The following GFRA1 variants were observed in gnomAD, a reference collection of about 807,000 sequenced individuals.
GFRA1 encodes the protein GDNF family receptor alpha-1.
Under a neutral mutation model 51.6 loss-of-function variants are expected in GFRA1, and 16 were observed. The observed-to-expected ratio is 0.31, with a 90% CI of 0.21 to 0.47. GFRA1 has a LOEUF of 0.47. Ranked by LOEUF, GFRA1 falls within the 20% of genes least tolerant of loss-of-function variation. The pLI, the probability that GFRA1 is intolerant of heterozygous loss-of-function variation, is 1.00. For synonymous variants in GFRA1, 270 were observed against 241.3 expected (o/e 1.12, Z -1.10); for missense variants, 530 against 594.3 (o/e 0.89, Z 1.13).
intron 4 of GFRA1, among the ~76,000 whole-genome samples, chr10:116,230,745 G>C (rs995723092): frequency 2.6e-4 from 36 of 139,722 alleles, no homozygotes; most frequent in Non-Finnish European, 3.8e-4. Flanking sequence ...CACACACACA[G>C]ACAATTTAAC....
chr10:116,226,118 T>A (rs1966277470), intron 4 of GFRA1, among the ~76,000 whole-genome samples: 1 of 152,142 alleles, frequency 6.6e-6, no homozygotes, highest in Admixed American at 6.5e-5. Context: ...TATTCAGACT[T>A]CTCAATGGTA....
intron 5 of GFRA1, among the ~76,000 whole-genome samples, chr10:116,156,104 A>T (rs866969573): frequency 3.3e-5 from 5 of 152,214 alleles, no homozygotes; most frequent in African/African-American, 4.8e-5. Flanking sequence ...CAATCAAACC[A>T]AGCAAAACTG....
chr10:116,215,793 G>A (rs951286657), intron 4 of GFRA1, among the ~76,000 whole-genome samples: 46 of 152,120 alleles, frequency 3.0e-4, no homozygotes, highest in Non-Finnish European at 2.9e-5. Context: ...ACAACGCTCT[G>A]CTCATACTCA....
chr10:116,064,681 T>C (rs1955014518), intron 10 of GFRA1, 137 bp from the exon 11 acceptor site: 2 of 760,644 alleles, frequency 2.6e-6, no homozygotes, highest in Non-Finnish European at 4.7e-6. Flanking sequence ...CCACTGAGAC[T>C]TACATTCACT....
intron 9 of GFRA1, among the ~76,000 whole-genome samples, chr10:116,077,636 C>A (rs997403260): frequency 2.6e-5 from 4 of 152,188 alleles, no homozygotes; most frequent in African/African-American, 9.7e-5. Context: ...ATAAAATAAT[C>A]TTAAATTACA....
intron 4 of GFRA1, among the ~76,000 whole-genome samples, chr10:116,261,138 C>T (rs11197610): frequency 4.6e-5 from 7 of 152,116 alleles, no homozygotes; most frequent in Non-Finnish European, 1.0e-4. Flanking sequence ...GTGTAGTATC[C>T]TAAGGGGGGA....
At chr10:116,183,972 G>A (rs1368593718) in intron 5 of GFRA1, among the ~76,000 whole-genome samples, 10 of 152,182 alleles carry the variant, frequency 6.6e-5, no homozygotes, top group South Asian at 2.1e-4. Context: ...TCACTGACTC[G>A]GCCAGCTACC....
rs1046718207 is a variant in GFRA1 at position 116,271,129 on chromosome 10, G to A, written c.41-14C>T. On this transcript the variant is annotated splice_polypyrimidine_tract_variant and intron_variant, in intron 2 of 10. Coordinates refer to ENST00000355422, the MANE Select transcript of GFRA1 (RefSeq NM_005264.8). The stretch of plus-strand genomic sequence containing the variant: ...ACAGGAGCAAGTCTGCGGGGCAGAG[G>A]GGAGGGAGCCTGAGTGCGGCGGGCG... The A allele has an allele frequency of 6.3e-7, 1 of 1,594,620 alleles. No individual in the cohort carries two copies. The highest frequency in any genetic ancestry group is 1.3e-5 in the African/African-American group (1 of 74,616).
chr10:116,266,431 G>A (rs1468168280), intron 4 of GFRA1, among the ~76,000 whole-genome samples: 1 of 152,190 alleles, frequency 6.6e-6, no homozygotes, highest in Non-Finnish European at 1.5e-5. Flanking sequence ...ATCCTGCAAA[G>A]GCCAAACTGG....
chr10:116,066,930 G>A (rs553908931), intron 9 of GFRA1, among the ~76,000 whole-genome samples: 1 of 152,190 alleles, frequency 6.6e-6, no homozygotes, highest in Non-Finnish European at 1.5e-5. Context: ...TGGAAGACAC[G>A]CTAAGCTAAA....
chr10:116,198,879 G>C (rs1964107424), intron 5 of GFRA1, among the ~76,000 whole-genome samples: 1 of 152,178 alleles, frequency 6.6e-6, no homozygotes, highest in African/African-American at 2.4e-5. Flanking sequence ...AGGTAATTAA[G>C]TTAAAATGCG....
At chr10:116,072,921 C>G (rs1207469510) in intron 9 of GFRA1, among the ~76,000 whole-genome samples, 1 of 152,138 alleles carries the variant, frequency 6.6e-6, no homozygotes, top group African/African-American at 2.4e-5. Context: ...GAAGTCCTTT[C>G]AAAATTCAAG....
intron 5 of GFRA1, among the ~76,000 whole-genome samples, chr10:116,183,187 T>G (rs1962396666): frequency 6.6e-6 from 1 of 152,220 alleles, no homozygotes; most frequent in Non-Finnish European, 1.5e-5. Context: ...TCCAGAAGCA[T>G]GAGGAAAGTT....
intron 9 of GFRA1, among the ~76,000 whole-genome samples, chr10:116,089,018 A>G (rs1364816842): frequency 6.6e-6 from 1 of 151,394 alleles, no homozygotes; most frequent in African/African-American, 2.4e-5. Context: ...ACTTATTACT[A>G]TGAAAAATCA....
chr10:116,131,451 A>G (rs2134051107), intron 5 of GFRA1, among the ~76,000 whole-genome samples: 1 of 152,308 alleles, frequency 6.6e-6, no homozygotes, highest in Middle Eastern at 3.4e-3. Flanking sequence ...AAAGACTTGA[A>G]CAAGAATATT....
intron 5 of GFRA1, among the ~76,000 whole-genome samples, chr10:116,152,606 A>G (rs1589828448): frequency 1.3e-5 from 2 of 151,878 alleles, no homozygotes; most frequent in African/African-American, 2.4e-5. Context: ...TGACCCAATC[A>G]CCTCCCACCA....
chr10:116,264,163 G>A (rs556935420), intron 4 of GFRA1, among the ~76,000 whole-genome samples: 1 of 152,236 alleles, frequency 6.6e-6, no homozygotes, highest in South Asian at 2.1e-4. Context: ...GGTGGCTGAG[G>A]TCTCCAGAAT....
chr10:116,080,609 C>T (rs1186973011), intron 9 of GFRA1, among the ~76,000 whole-genome samples: 6 of 152,202 alleles, frequency 3.9e-5, no homozygotes, highest in Admixed American at 1.3e-4. Context: ...ATTTGACTGG[C>T]CTTTGTCCTT....
chr10:116,084,258 C>T (rs1422615630), intron 9 of GFRA1, among the ~76,000 whole-genome samples: 1 of 152,214 alleles, frequency 6.6e-6, no homozygotes, highest in Non-Finnish European at 1.5e-5. Context: ...CGAAGATTAT[C>T]CACATGGACC....
Sources: allele counts gnomAD v4.1 joint callset (sites outside exome capture counted in the v4.1 genomes callset), GRCh38; gene constraint gnomAD v4.1.1; transcripts MANE v1.5; gene names NCBI Gene and HGNC (gene_info 2026-07-23, HGNC 2026-07-21).